The following SEMA3E variants were observed in gnomAD, a reference collection of about 807,000 sequenced individuals.
The protein encoded by SEMA3E is semaphorin 3E.
A neutral mutation model predicts 93.6 loss-of-function variants in SEMA3E; 49 were observed. That is an observed-to-expected ratio of 0.52 (90% CI 0.42 to 0.66). The LOEUF (loss-of-function observed/expected upper bound fraction) is 0.66, where lower values mean the gene tolerates loss of function less well. Among genes scored for constraint, SEMA3E ranks in the 30% least tolerant of loss-of-function variants. The pLI is 0.00. For synonymous variants in SEMA3E, 363 were observed against 330.7 expected, an observed-to-expected ratio of 1.10 and a Z score of -1.06; for missense variants, 906 against 964.8, an observed-to-expected ratio of 0.94 and a Z score of 0.81.
At chr7:83,472,584 T>C (rs1789921880) in intron 2 of SEMA3E, among the ~76,000 whole-genome samples, 1 of 152,216 alleles carries the variant, frequency 6.6e-6, no homozygotes. Context: ...TCCCTCGGAA[T>C]TTCAAGGGAG....
At chr7:83,565,507 A>C (rs900998702) in intron 1 of SEMA3E, among the ~76,000 whole-genome samples, 4 of 152,200 alleles carry the variant, frequency 2.6e-5, no homozygotes, top group African/African-American at 9.7e-5. Context: ...TATATCCTGG[A>C]ACTTAAAAAC....
In SEMA3E at chr7:83,574,542, T is replaced by C. The variant is rs202169709; in HGVS notation, c.115+73886A>G. ...ATTCAGTTCCTGGTATCTGTACTTT[T>C]GGGTACTCTTTACCCACATAAACTT... is the stretch of plus-strand genomic sequence containing the variant. On this transcript the variant is annotated intron_variant, in intron 1 of 16. Coordinates refer to ENST00000643230, the MANE Select transcript of SEMA3E (RefSeq NM_012431.3). Among the ~76,000 whole-genome samples the C allele has an allele frequency of 2.0e-4, 31 of 152,022 alleles. 1 individual carries two copies. The highest frequency in any genetic ancestry group is 1.0e-3 in the South Asian group (5 of 4,816).
At chr7:83,444,101 G>C (rs77829945) in intron 4 of SEMA3E, among the ~76,000 whole-genome samples, 4,782 of 152,200 alleles carry the variant, frequency 0.031, 236 homozygotes, top group African/African-American at 0.11. Flanking sequence ...GAAGTAAGTA[G>C]CTTCATCTGA....
At chr7:83,521,366 G>A (rs996850624) in intron 1 of SEMA3E, among the ~76,000 whole-genome samples, 3 of 152,066 alleles carry the variant, frequency 2.0e-5, no homozygotes, top group Admixed American at 6.6e-5. Flanking sequence ...CAATGAATAC[G>A]AGAAAATTAC....
chr7:83,579,751 G>C (rs1444012479), intron 1 of SEMA3E, among the ~76,000 whole-genome samples: 1 of 151,950 alleles, frequency 6.6e-6, no homozygotes, highest in Non-Finnish European at 1.5e-5. Context: ...CTATAGCAAG[G>C]TTAAAATCTC....
intron 1 of SEMA3E, among the ~76,000 whole-genome samples, chr7:83,541,211 A>G (rs1791523583): frequency 6.6e-6 from 1 of 152,180 alleles, no homozygotes; most frequent in East Asian, 1.9e-4. Context: ...CTTCCTTGCT[A>G]GAGGGACTGG....
At chr7:83,527,930 A>G (rs1396476935) in intron 1 of SEMA3E, among the ~76,000 whole-genome samples, 1 of 152,124 alleles carries the variant, frequency 6.6e-6, no homozygotes, top group East Asian at 1.9e-4. Context: ...GGTTAAGAAA[A>G]CCAAGAAAAA....
intron 1 of SEMA3E, among the ~76,000 whole-genome samples, chr7:83,590,823 G>A (rs4728537): frequency 0.21 from 31,535 of 151,840 alleles, 3,586 homozygotes; most frequent in East Asian, 0.39. Context: ...TAATATGATC[G>A]CAAAACTGCT....
chr7:83,527,847 T>C (rs1487930417), intron 1 of SEMA3E, among the ~76,000 whole-genome samples: 1 of 152,102 alleles, frequency 6.6e-6, no homozygotes, highest in African/African-American at 2.4e-5. Context: ...GCAATTAATA[T>C]AAAAATATTT....
At chr7:83,440,910 GAA>G (rs1191862784) in intron 4 of SEMA3E, among the ~76,000 whole-genome samples, 2 of 151,928 alleles carry the variant, frequency 1.3e-5, no homozygotes, top group African/African-American at 4.8e-5. Context: ...AAGAGGGAGA[GAA>G]GAGACTGAGA....
intron 4 of SEMA3E, among the ~76,000 whole-genome samples, chr7:83,463,463 A>C (rs1334765350): frequency 3.3e-5 from 5 of 151,656 alleles, no homozygotes; most frequent in Non-Finnish European, 5.9e-5. Flanking sequence ...AGCTGTACTC[A>C]CTCTTTGTTG....
chr7:83,443,970 C>A (rs1247317957), intron 4 of SEMA3E, among the ~76,000 whole-genome samples: 1 of 151,262 alleles, frequency 6.6e-6, no homozygotes, highest in African/African-American at 2.4e-5. Flanking sequence ...TGAATGATTT[C>A]AATGACTGCT....
chr7:83,491,366 C>T (rs937756925), intron 1 of SEMA3E, among the ~76,000 whole-genome samples: 1 of 150,592 alleles, frequency 6.6e-6, no homozygotes, highest in Non-Finnish European at 1.5e-5. Context: ...TTAAAATGAA[C>T]AATACTGCTA....
intron 1 of SEMA3E, among the ~76,000 whole-genome samples, chr7:83,531,360 T>TTTTTTTTTG (rs1562821332): frequency 1.4e-5 from 2 of 144,778 alleles, no homozygotes; most frequent in East Asian, 2.0e-4. Flanking sequence ...TTTTTTTTTT[T>TTTTTTTTTG]TTCCGAGATG....
At chr7:83,399,541 CAA>C (rs1196826623) in intron 11 of SEMA3E, among the ~76,000 whole-genome samples, 1 of 152,192 alleles carries the variant, frequency 6.6e-6, no homozygotes, top group Non-Finnish European at 1.5e-5. Context: ...ACTCGCTGAG[CAA>C]AGTCAGTAAT....
Position 83,392,686 on chromosome 7 carries a change from A to G in SEMA3E, c.1536T>C (p.Ala512=), listed in dbSNP as rs1481888738. The G allele has an allele frequency of 2.5e-6, 4 of 1,613,800 alleles. No individual in the cohort carries two copies. The East Asian group carries it at 8.9e-5, about 36-fold the overall frequency. The part of the protein sequence containing the change: ...QLYIGSASAV[A]QVRFHHCDMY... ...TGTCACAGTGATGGAATCTGACTTG[A>G]GCCACAGCAGAAGCAGATCCAATAT... is the stretch of plus-strand genomic sequence containing the variant. Residue 512 remains alanine, a synonymous_variant, in exon 14 of 17, where the codon GCT becomes GCC. Transcript: ENST00000643230.
intron 1 of SEMA3E, among the ~76,000 whole-genome samples, chr7:83,573,039 T>C (rs1478305793): frequency 6.6e-6 from 1 of 152,160 alleles, no homozygotes; most frequent in Non-Finnish European, 1.5e-5. Context: ...CAAGCGAGAC[T>C]GAATCAAACT....
chr7:83,472,318 A>G (rs1789914252), intron 2 of SEMA3E, among the ~76,000 whole-genome samples: 1 of 152,188 alleles, frequency 6.6e-6, no homozygotes, highest in South Asian at 2.1e-4. Context: ...TTTATCAAAG[A>G]GATGCTATTA....
chr7:83,462,789 T>C (rs1212786330), intron 4 of SEMA3E, among the ~76,000 whole-genome samples: 12 of 141,736 alleles, frequency 8.5e-5, no homozygotes, highest in African/African-American at 1.4e-4. Flanking sequence ...CCTTACAAGT[T>C]AGTTCAGGAT....
Sources: gnomAD v4.1 joint callset for allele counts (sites outside exome capture counted in the v4.1 genomes callset) on GRCh38, gnomAD v4.1.1 for gene constraint, MANE v1.5 for transcripts, NCBI Gene and HGNC (gene_info 2026-07-23, HGNC 2026-07-21) for gene names.